The following UNC45A variants were observed in gnomAD, a reference collection of about 807,000 sequenced individuals.
The protein encoded by UNC45A is unc-45 myosin chaperone A, also known as protein unc-45 homolog A.
Under a neutral mutation model 103.2 loss-of-function variants are expected in UNC45A, and 78 were observed. That is an observed-to-expected ratio of 0.76 (90% CI 0.63 to 0.91). UNC45A has a LOEUF of 0.91. Among genes scored for constraint, UNC45A ranks in the 40% least tolerant of loss-of-function variants. UNC45A has a pLI of 0.00. For missense variants in UNC45A, 1,193 were observed against 1,224.8 expected (o/e 0.97, Z 0.39); for synonymous variants, 495 against 504.6 (o/e 0.98, Z 0.25).
intron 4 of UNC45A, 105 bp downstream of exon 4, chr15:90,936,565 C>T (rs570268969): frequency 1.5e-6 from 2 of 1,367,844 alleles, no homozygotes; most frequent in African/African-American, 1.5e-5. Flanking sequence ...GGCAAGTGAA[C>T]CTTGCCTGTG....
intron 17 of UNC45A, among the ~76,000 whole-genome samples, chr15:90,951,253 C>T (rs1447531373): frequency 6.6e-6 from 1 of 152,238 alleles, no homozygotes; most frequent in Non-Finnish European, 1.5e-5. Context: ...GATCCGCCCA[C>T]CTCAGCCTCC....
Position 90,940,055 on chromosome 15 carries a change from A to T in UNC45A, c.519+232A>T, listed in dbSNP as rs377757091. Among the ~76,000 whole-genome samples, 23 of 152,354 alleles carry T rather than the reference A, an allele frequency of 1.5e-4. No homozygotes were observed. In the East Asian group the frequency reaches 4.2e-3, roughly 28 times the overall value. On this transcript the variant is annotated intron_variant, in intron 5 of 19. Transcript: ENST00000418476. ...CCTGTGCCAGGAACTGGGTGTACAG[A>T]GGTAACTGAGGCACTGTCCCAGCCC...
At position 90,949,387 on chromosome 15, in the gene UNC45A, C is replaced by T. The variant is rs759268456; in HGVS notation, c.1950C>T (p.Cys650=). ...CGGGTGTGGTGTCGGCCATGGTGTG[C>T]ATGGTGAAGACGGAGAGCCCTGTGC... The part of the protein sequence containing the change: ...LAAGVVSAMV[C]MVKTESPVLT... The change falls in exon 14 of 20, where the codon TGC becomes TGT. Residue 650 remains cysteine (C), a synonymous_variant. Coordinates refer to ENST00000418476, the MANE Select transcript of UNC45A (RefSeq NM_018671.5). 2 of 1,613,740 alleles carry T rather than the reference C, an allele frequency of 1.2e-6. No homozygotes were observed. The highest frequency in any genetic ancestry group is 1.7e-6 in the Non-Finnish European group (2 of 1,180,008).
At chr15:90,941,031 G>C (rs745758218) in intron 6 of UNC45A, 2 of 152,146 alleles carry the variant, frequency 1.3e-5, no homozygotes, top group Non-Finnish European at 2.9e-5. Flanking sequence ...GATGAAGTGG[G>C]GTAGAAAGAG....
Position 90,942,678 on chromosome 15 carries a change from A to T in UNC45A, c.856+73A>T, listed in dbSNP as rs112753956. ...GGGATGGGGCTGAGCCAGCCAGGCC[A>T]GTTTTTTGGGGACCAGACTTGCAGC... On this transcript the variant is annotated intron_variant, in intron 7 of 19. Coordinates refer to ENST00000418476, the MANE Select transcript of UNC45A (RefSeq NM_018671.5). 1,209 of 1,604,352 alleles carry T rather than the reference A, an allele frequency of 7.5e-4. 11 individuals carry two copies. In the African/African-American group the frequency reaches 0.014, roughly 19 times the overall value.
chr15:90,944,432 A>G (rs2036457574), intron 8 of UNC45A, among the ~76,000 whole-genome samples: 1 of 151,732 alleles, frequency 6.6e-6, no homozygotes, highest in Non-Finnish European at 1.5e-5. Flanking sequence ...GCCTTGCATG[A>G]GCAGGGCCTT....
intron 2 of UNC45A, 49 bp downstream of exon 2, chr15:90,935,754 C>G (rs949395429): frequency 5.3e-6 from 8 of 1,520,480 alleles, no homozygotes; most frequent in Non-Finnish European, 7.0e-6. Flanking sequence ...CCCCGGTTCG[C>G]CCATCTAAGC....
At chr15:90,937,490 GTT>G (rs1040369055) in intron 4 of UNC45A, among the ~76,000 whole-genome samples, 3 of 147,406 alleles carry the variant, frequency 2.0e-5, no homozygotes, top group Non-Finnish European at 1.5e-5. Flanking sequence ...GAAAATAATT[GTT>G]TTTTTTTTTT....
In UNC45A at chr15:90,953,889, C is replaced by A; in HGVS notation, c.*173C>A. 1.1e-6 allele frequency: 1 copy of A among 944,534 alleles called. No individual in the cohort carries two copies. Among genetic ancestry groups the A allele is most frequent in the Non-Finnish European group, 1.6e-6 (1 of 641,782 alleles). 58.5% of individuals were successfully genotyped at this position (944,534 alleles called of 1,614,324 possible). ...GAGTCAGCGGCCACGTTCAGTCACACAGCCCTGCTTGGCCAGCACTGCCTG... is the reference window on the plus strand; with the variant it reads ...GAGTCAGCGGCCACGTTCAGTCACAAAGCCCTGCTTGGCCAGCACTGCCTG... On this transcript the variant is annotated 3_prime_UTR_variant, in exon 20 of 20. Transcript: ENST00000418476.
chr15:90,950,043 A>G, intron 15 of UNC45A, 111 bp from the exon 16 acceptor site: 1 of 1,027,130 alleles, frequency 9.7e-7, no homozygotes, highest in South Asian at 1.5e-5. Flanking sequence ...CAGGGAGTCA[A>G]GCCTGGGGAG....
chr15:90,953,271 C>A lies in UNC45A; in HGVS notation c.2538C>A (p.Thr846=), dbSNP rs776217266. Residue 846 remains threonine (T), a synonymous_variant, in exon 19 of 20, where the codon ACC becomes ACA. Transcript: ENST00000418476. The part of the protein sequence containing the change: ...RAAAGGLAML[T]SMRPTLCSRI... ...CTGCCGGGGGCTTGGCCATGCTTAC[C>A]TCCATGCGGCCCACGCTCTGCAGCC... 13 of 1,612,940 alleles carry A rather than the reference C, an allele frequency of 8.1e-6. No individual in the cohort carries two copies. In the East Asian group the frequency reaches 8.9e-5, roughly 11 times the overall value.
upstream of UNC45A, chr15:90,935,137 G>A (rs1290055838): frequency 8.0e-6 from 5 of 624,984 alleles, no homozygotes; most frequent in Admixed American, 5.7e-5. Flanking sequence ...CCCGGAGCTT[G>A]CCTGCACCTG....
chr15:90,947,888 A>G lies in UNC45A; in HGVS notation c.1593A>G (p.Arg531=), dbSNP rs201166532. ...GSTLKLAKQC[R]KWLCNDQIDA... ...CTCTCAAACTGGCTAAGCAGTGTCG[A>G]AAGTGAGTCATCTGGCCTTGCTGTG... is the stretch of plus-strand genomic sequence containing the variant. The change falls in exon 11 of 20, where the codon CGA becomes CGG. Residue 531 remains arginine (R), a splice_region_variant and synonymous_variant. Transcript: ENST00000418476. 6.2e-7 allele frequency: 1 copy of G among 1,613,400 alleles called. No individual in the cohort carries two copies. Among genetic ancestry groups the G allele is most frequent in the East Asian group, 2.2e-5 (1 of 44,878 alleles).
At chr15:90,934,325 AC>A, upstream of UNC45A, 1 of 398,244 alleles carries the variant, frequency 2.5e-6, no homozygotes, top group Non-Finnish European at 4.4e-6. Context: ...TAGCACCCCC[AC>A]CTCTCTCTTC....
rs1194788491 is a variant in UNC45A at position 90,942,912 on chromosome 15, A to C, written c.857A>C (p.Asp286Ala). Residue 286 changes from aspartate (D) to alanine (A), a missense_variant and splice_region_variant, in exon 8 of 20, where the codon GAT (aspartate) becomes GCT (alanine). Transcript: ENST00000418476. The part of the protein sequence containing the change: ...FRGKEGAIIV[D>A]PARELKVLIS... ...ACTGATGTCTTCTTGTTGTTGCCAG[A>C]TCCTGCCCGGGAGCTGAAGGTCCTC... 6.2e-7 allele frequency: 1 copy of C among 1,603,452 alleles called. No individual in the cohort carries two copies. The highest frequency in any genetic ancestry group is 8.5e-7 in the Non-Finnish European group (1 of 1,172,684).
chr15:90,933,775 C>T (rs141450735), upstream of UNC45A: 142 of 347,896 alleles, frequency 4.1e-4, no homozygotes, highest in African/African-American at 2.9e-3. Context: ...GCTGCTCTCT[C>T]ATCCCTCATT....
rs2037021614 is a variant in UNC45A at position 90,953,173 on chromosome 15, G to A, written c.2440G>A (p.Ala814Thr). Residue 814 changes from alanine (A) to threonine (T), a missense_variant, in exon 19 of 20, where the codon GCC (alanine) becomes ACC (threonine). By Grantham distance (58) the Ala-to-Thr change is moderately conservative. Coordinates refer to ENST00000418476, the MANE Select transcript of UNC45A (RefSeq NM_018671.5). The part of the protein sequence containing the change: ...MSKEVQDLFE[A>T]QGNDRLKLLV... The stretch of plus-strand genomic sequence containing the variant: ...GCCACAGGTGCAGGACCTCTTCGAA[G>A]CCCAGGGCAATGACCGACTGAAGCT... 6.2e-7 allele frequency: 1 copy of A among 1,613,746 alleles called. No homozygotes were observed. The highest frequency in any genetic ancestry group is 8.5e-7 in the Non-Finnish European group (1 of 1,179,884).
chr15:90,938,962 G>A (rs1430600018), intron 4 of UNC45A, among the ~76,000 whole-genome samples: 2 of 151,870 alleles, frequency 1.3e-5, no homozygotes, highest in Non-Finnish European at 2.9e-5. Flanking sequence ...GTGAGCCACC[G>A]TGCCTGGCTT....
At chr15:90,932,481 C>A, upstream of UNC45A, 1 of 1,314,438 alleles carries the variant, frequency 7.6e-7, no homozygotes, top group South Asian at 2.3e-5. Flanking sequence ...GCCGCTGCTG[C>A]CGGTGCTTGC....
Sources: allele counts gnomAD v4.1 joint callset (sites outside exome capture counted in the v4.1 genomes callset), GRCh38; gene constraint gnomAD v4.1.1; transcripts MANE v1.5; gene names NCBI Gene and HGNC (gene_info 2026-07-23, HGNC 2026-07-21).